The following KCNJ12 variants were observed in gnomAD, a reference collection of about 807,000 sequenced individuals.
KCNJ12 encodes the protein potassium inwardly rectifying channel subfamily J member 12, also known as ATP-sensitive inward rectifier potassium channel 12.
KCNJ12 carries 2 observed loss-of-function variants against 22.3 expected under a neutral mutation model. The ratio of observed to expected loss-of-function variants is 0.09; its 90% CI spans 0.04 to 0.28. KCNJ12 has a LOEUF of 0.28. Among genes scored for constraint, KCNJ12 ranks in the 10% least tolerant of loss-of-function variants. The pLI is 1.00. For synonymous variants in KCNJ12, 117 were observed against 261.4 expected (o/e 0.45, Z 5.33); for missense variants, 155 against 633.3 (o/e 0.24, Z 8.11).
intron 1 of KCNJ12, among the ~76,000 whole-genome samples, chr17:21,402,859 T>C (rs1289968841): frequency 6.6e-6 from 1 of 152,292 alleles, no homozygotes; most frequent in Non-Finnish European, 1.5e-5. Flanking sequence ...CACTGAGGGG[T>C]TGGTGGCTGG....
At position 21,418,963 on chromosome 17, in the gene KCNJ12, C is replaced by G. The variant is rs1906996663; in HGVS notation, c.*2319C>G. On this transcript the variant is annotated 3_prime_UTR_variant, in exon 3 of 3. Coordinates refer to ENST00000583088, the MANE Select transcript of KCNJ12 (RefSeq NM_021012.5). ...CTCTTGGAGGTCTGTGCTCTTACCTCCCAGCCCCCACCCTGCGGGAGAGCA... is the reference window on the plus strand; with the variant it reads ...CTCTTGGAGGTCTGTGCTCTTACCTGCCAGCCCCCACCCTGCGGGAGAGCA... 6.0e-6 allele frequency: 1 copy of G among 166,912 alleles called. No individual in the cohort carries two copies. Among genetic ancestry groups the G allele is most frequent in the African/African-American group, 2.4e-5 (1 of 41,438 alleles). The allele number at this position is 166,912 out of a possible 1,614,324, so 10.3% of individuals were successfully genotyped here. A position where few individuals can be genotyped will look rare whatever the true frequency, so the allele number is the denominator to read the frequency against.
At chr17:21,393,852 C>G (rs1905268303) in intron 1 of KCNJ12, among the ~76,000 whole-genome samples, 1 of 152,238 alleles carries the variant, frequency 6.6e-6, no homozygotes, top group African/African-American at 2.4e-5. Context: ...TGGCCTGAGG[C>G]TGAGTGCATC....
chr17:21,394,133 A>G (rs1002339893), intron 1 of KCNJ12, among the ~76,000 whole-genome samples: 17 of 151,988 alleles, frequency 1.1e-4, no homozygotes, highest in African/African-American at 4.1e-4. Flanking sequence ...TCACGTGTCA[A>G]TGACATTTCA....
chr17:21,397,012 G>A (rs1377741549), intron 1 of KCNJ12, among the ~76,000 whole-genome samples: 1 of 152,238 alleles, frequency 6.6e-6, no homozygotes, highest in Non-Finnish European at 1.5e-5. Context: ...CCCTGGGCAA[G>A]TGTGTTTAGC....
At chr17:21,382,981 C>A (rs1300629112) in intron 1 of KCNJ12, among the ~76,000 whole-genome samples, 1 of 152,192 alleles carries the variant, frequency 6.6e-6, no homozygotes, top group African/African-American at 2.4e-5. Flanking sequence ...GGAGGTCACA[C>A]AGTTCCCGGA....
intron 1 of KCNJ12, among the ~76,000 whole-genome samples, chr17:21,388,247 A>G (rs1453895256): frequency 3.3e-5 from 5 of 152,008 alleles, no homozygotes; most frequent in African/African-American, 4.8e-5. Flanking sequence ...CTGGGTCTCT[A>G]TGGCTCACCC....
At chr17:21,381,030 A>G (rs1555557859) in intron 1 of KCNJ12, among the ~76,000 whole-genome samples, 1 of 152,238 alleles carries the variant, frequency 6.6e-6, no homozygotes, top group Admixed American at 6.5e-5. Flanking sequence ...TCAGCCATGC[A>G]TCATTGGACA....
intron 1 of KCNJ12, among the ~76,000 whole-genome samples, chr17:21,398,176 T>C (rs1395746007): frequency 6.6e-6 from 1 of 152,052 alleles, no homozygotes; most frequent in Non-Finnish European, 1.5e-5. Flanking sequence ...CCCAGGTCGA[T>C]AGCCCCACAC....
intron 2 of KCNJ12, among the ~76,000 whole-genome samples, chr17:21,412,118 T>TGGG (rs1906388234): frequency 2.6e-3 from 392 of 152,344 alleles, no homozygotes; most frequent in African/African-American, 8.4e-3. Context: ...TCTGCTCAGT[T>TGGG]TCCAGGGGTC....
At chr17:21,378,856 C>T (rs572195784) in intron 1 of KCNJ12, among the ~76,000 whole-genome samples, 8 of 152,264 alleles carry the variant, frequency 5.3e-5, no homozygotes, top group African/African-American at 1.9e-4. Flanking sequence ...CCGTCAAAAC[C>T]CCATAAGGTT....
At chr17:21,406,214 G>A (rs1276503381) in intron 1 of KCNJ12, among the ~76,000 whole-genome samples, 1 of 152,308 alleles carries the variant, frequency 6.6e-6, no homozygotes, top group Non-Finnish European at 1.5e-5. Flanking sequence ...CCAGAGGGGA[G>A]AATTGTCCCT....
chr17:21,402,117 C>T (rs1657661), intron 1 of KCNJ12, among the ~76,000 whole-genome samples: 3,801 of 117,236 alleles, frequency 0.032, no homozygotes, highest in Middle Eastern at 0.047. Context: ...TCTGCTGTCC[C>T]TGCCTCCCTT....
At chr17:21,393,562 G>A (rs1041129888) in intron 1 of KCNJ12, among the ~76,000 whole-genome samples, 7 of 152,274 alleles carry the variant, frequency 4.6e-5, no homozygotes, top group African/African-American at 1.4e-4. Flanking sequence ...AGACCCCCCC[G>A]TGCGGGTTGA....
intron 2 of KCNJ12, among the ~76,000 whole-genome samples, chr17:21,414,538 C>T (rs1906574610): frequency 6.6e-6 from 1 of 152,284 alleles, no homozygotes; most frequent in East Asian, 1.9e-4. Flanking sequence ...GTGGTGGTCT[C>T]AGGGTGGGGT....
chr17:21,409,763 G>A (rs1225882553), intron 2 of KCNJ12, among the ~76,000 whole-genome samples: 2 of 152,402 alleles, frequency 1.3e-5, no homozygotes, highest in African/African-American at 2.4e-5. Context: ...GGTGGTAAGG[G>A]CCTAGGATAT....
rs1555563442 is a variant in KCNJ12 at position 21,419,399 on chromosome 17, C to G, written c.*2755C>G. The G allele has an allele frequency of 1.8e-5, 3 of 166,780 alleles. No homozygotes were observed. Among genetic ancestry groups the G allele is most frequent in the Non-Finnish European group, 2.9e-5 (2 of 68,128 alleles). The allele number at this position is 166,780 out of a possible 1,614,324, so 10.3% of individuals were successfully genotyped here. On this transcript the variant is annotated 3_prime_UTR_variant, in exon 3 of 3. Transcript: ENST00000583088. ...ACAAGTTTCCTGTGAGGGAGGGCAC[C>G]CACCCATCAGGTTGGGCACTGGCAC...
At chr17:21,380,837 TGGGCCCCAGATGG>T (rs1555557838) in intron 1 of KCNJ12, among the ~76,000 whole-genome samples, 1 of 150,542 alleles carries the variant, frequency 6.6e-6, no homozygotes, top group Non-Finnish European at 1.5e-5. Context: ...CAGATGGCAG[TGGGCCCCAGATGG>T]CAGTGGGCCC....
At chr17:21,379,236 A>T (rs1904779582) in intron 1 of KCNJ12, among the ~76,000 whole-genome samples, 1 of 152,220 alleles carries the variant, frequency 6.6e-6, no homozygotes, top group South Asian at 2.1e-4. Context: ...GGCCTCCGGT[A>T]CCCTGGGCCA....
rs541553328 is a variant in KCNJ12 at position 21,406,250 on chromosome 17, G to C, written c.-178-2269G>C. 1.2e-4 allele frequency among the ~76,000 whole-genome samples: 19 copies of C among 152,420 alleles called. No homozygotes were observed. The East Asian group carries it at 3.1e-3, about 25-fold the overall frequency. ...CCTCCAAGGCAGGGCTGTGAGCATC[G>C]GGATGACTGCAGCCAGCTGCCAAGC... On this transcript the variant is annotated intron_variant, in intron 1 of 2. Coordinates refer to ENST00000583088, the MANE Select transcript of KCNJ12 (RefSeq NM_021012.5).
Sources: allele counts gnomAD v4.1 joint callset (sites outside exome capture counted in the v4.1 genomes callset), GRCh38; gene constraint gnomAD v4.1.1; transcripts MANE v1.5; gene names NCBI Gene and HGNC (gene_info 2026-07-23, HGNC 2026-07-21).